EMCN: variants seen among roughly 807,000 people sequenced by gnomAD.
EMCN encodes endomucin, also known as MUC-14.
Under a neutral mutation model 38.4 loss-of-function variants are expected in EMCN, and 37 were observed. The ratio of observed to expected loss-of-function variants is 0.96; its 90% CI spans 0.74 to 1.27. The LOEUF (loss-of-function observed/expected upper bound fraction) is 1.27, where lower values mean the gene tolerates loss of function less well. EMCN is among the 50% of genes most tolerant of loss of function. The pLI, the probability that EMCN is intolerant of heterozygous loss-of-function variation, is 0.00. For synonymous variants in EMCN, 95 were observed against 100.8 expected (o/e 0.94, Z 0.35); for missense variants, 318 against 302.8 (o/e 1.05, Z -0.37).
intron 5 of EMCN, among the ~76,000 whole-genome samples, chr4:100,425,116 C>T (rs1215143675): frequency 6.8e-6 from 1 of 147,242 alleles, no homozygotes; most frequent in Non-Finnish European, 1.5e-5. Context: ...CTTTAAACTG[C>T]AACCTTCAGT....
intron 1 of EMCN, among the ~76,000 whole-genome samples, chr4:100,491,541 A>G (rs557747772): frequency 2.6e-4 from 40 of 152,288 alleles, no homozygotes; most frequent in African/African-American, 9.4e-4. Flanking sequence ...CAACCGTGCA[A>G]TTCTACAGAG....
intron 1 of EMCN, among the ~76,000 whole-genome samples, chr4:100,505,939 CCAT>C (rs1729469527): frequency 6.6e-6 from 1 of 152,022 alleles, no homozygotes; most frequent in Admixed American, 6.6e-5. Context: ...ACAAAACTGT[CCAT>C]TTCTTAAAGG....
chr4:100,515,990 A>T (rs1457423258), intron 1 of EMCN, among the ~76,000 whole-genome samples: 1 of 129,004 alleles, frequency 7.8e-6, no homozygotes, highest in Non-Finnish European at 1.7e-5. Flanking sequence ...AGACAAATGG[A>T]GTAGGTTTGG....
intron 1 of EMCN, among the ~76,000 whole-genome samples, chr4:100,482,148 A>G (rs1188149097): frequency 6.6e-6 from 1 of 152,152 alleles, no homozygotes; most frequent in East Asian, 1.9e-4. Flanking sequence ...TGTTTTTCAT[A>G]CTGCAGGTTG....
rs115684099 is a variant in EMCN, at chr4:100,429,573, G to T, written c.416-6169C>A. Among the ~76,000 whole-genome samples, 960 of 152,118 alleles carry T rather than the reference G, an allele frequency of 6.3e-3. 11 individuals carry two copies. Among genetic ancestry groups the T allele is most frequent in the African/African-American group, 0.021 (884 of 41,472 alleles). The stretch of plus-strand genomic sequence containing the variant: ...AAAAGCCTTACCTTAAATTTCCTTT[G>T]CTTTGCTTTGGGCCGTCAATGTTAG... On this transcript the variant is annotated intron_variant, in intron 5 of 11. Coordinates refer to ENST00000296420, the MANE Select transcript of EMCN (RefSeq NM_016242.4).
chr4:100,502,033 A>G (rs1030518018), intron 1 of EMCN, among the ~76,000 whole-genome samples: 2 of 152,152 alleles, frequency 1.3e-5, no homozygotes, highest in African/African-American at 4.8e-5. Context: ...AGAAGAGAAA[A>G]GCTCCCCCAC....
chr4:100,445,070 C>T (rs1361346228), intron 5 of EMCN, among the ~76,000 whole-genome samples: 1 of 152,106 alleles, frequency 6.6e-6, no homozygotes, highest in Non-Finnish European at 1.5e-5. Context: ...GGTGTTTCCT[C>T]CTGTTTCCTA....
chr4:100,462,320 C>G (rs1728201546), intron 4 of EMCN, among the ~76,000 whole-genome samples: 1 of 152,046 alleles, frequency 6.6e-6, no homozygotes, highest in South Asian at 2.1e-4. Context: ...AGTTTAGAAG[C>G]TAAATCAATA....
intron 1 of EMCN, among the ~76,000 whole-genome samples, chr4:100,487,300 A>G (rs959591143): frequency 6.6e-6 from 1 of 152,114 alleles, no homozygotes; most frequent in African/African-American, 2.4e-5. Flanking sequence ...AAGATGCTGG[A>G]GCTCAGCACA....
chr4:100,475,106 G>A lies in EMCN; in HGVS notation c.191C>T (p.Thr64Ile), dbSNP rs866956563. 12 of 1,473,388 alleles carry A rather than the reference G, an allele frequency of 8.1e-6. No homozygotes were observed. Among genetic ancestry groups the A allele is most frequent in the Middle Eastern group, 1.8e-4 (1 of 5,662 alleles). The allele number at this position is 1,473,388 out of a possible 1,614,324, so 91.3% of individuals were successfully genotyped here. ...TPTTGTTPKG[T>I]ITNELLKMSL... ...CATTTTAAGTAATTCATTGGTGATTGTTCCTAGTTTGATAAAATAGATTAA... is the reference window on the plus strand; with the variant it reads ...CATTTTAAGTAATTCATTGGTGATTATTCCTAGTTTGATAAAATAGATTAA... Residue 64 changes from threonine (T) to isoleucine (I), a missense_variant, in exon 3 of 12, where the codon ACA becomes ATA. Thr to Ile is a moderately conservative substitution (Grantham distance 89, BLOSUM62 -1). Transcript: ENST00000296420.
chr4:100,472,995 AG>A (rs1275476559), intron 3 of EMCN, among the ~76,000 whole-genome samples: 43 of 144,064 alleles, frequency 3.0e-4, no homozygotes, highest in African/African-American at 1.0e-3. Flanking sequence ...ATATTCTAGA[AG>A]TATATATATA....
intron 4 of EMCN, among the ~76,000 whole-genome samples, chr4:100,454,902 T>C (rs1727966457): frequency 6.6e-6 from 1 of 152,168 alleles, no homozygotes; most frequent in South Asian, 2.1e-4. Context: ...GTATACCTTT[T>C]CCTGTCTTTT....
In EMCN at chr4:100,397,695, G is replaced by C. The variant is rs1025508; in HGVS notation, c.*718C>G. Reference sequence around the variant, plus strand: ...CCCCTAACAGTCTGATATGTGAATCGTATGTCCCTTTCTGACTTATTACAA... The same window carrying C: ...CCCCTAACAGTCTGATATGTGAATCCTATGTCCCTTTCTGACTTATTACAA... On this transcript the variant is annotated 3_prime_UTR_variant, in exon 12 of 12. Coordinates refer to ENST00000296420, the MANE Select transcript of EMCN (RefSeq NM_016242.4). 0.91 allele frequency: 138,929 copies of C among 152,162 alleles called. 63,432 individuals are homozygous for C. Among genetic ancestry groups the C allele is most frequent in the South Asian group, 0.96 (4,624 of 4,822 alleles). 9.4% of individuals were successfully genotyped at this position (152,162 alleles called of 1,614,324 possible).
intron 11 of EMCN, among the ~76,000 whole-genome samples, chr4:100,402,088 T>C (rs1452557232): frequency 6.6e-6 from 1 of 152,188 alleles, no homozygotes; most frequent in Non-Finnish European, 1.5e-5. Flanking sequence ...ATAATTTCCA[T>C]ATCATTAAAC....
At chr4:100,407,479 G>A (rs1039583580) in intron 11 of EMCN, among the ~76,000 whole-genome samples, 7 of 151,968 alleles carry the variant, frequency 4.6e-5, no homozygotes, top group African/African-American at 1.7e-4. Flanking sequence ...TTGCTTATGA[G>A]GTCTAGTTTG....
intron 3 of EMCN, among the ~76,000 whole-genome samples, 188 bp from the exon 4 acceptor site, chr4:100,465,727 G>A (rs1728298037): frequency 1.3e-5 from 2 of 152,146 alleles, no homozygotes; most frequent in Non-Finnish European, 2.9e-5. Flanking sequence ...AATGTGGAGG[G>A]ACATTAACTT....
chr4:100,437,120 C>T (rs1468406251), intron 5 of EMCN, among the ~76,000 whole-genome samples: 2 of 152,174 alleles, frequency 1.3e-5, no homozygotes. Flanking sequence ...AATATACACC[C>T]TAATGGGTGT....
intron 1 of EMCN, among the ~76,000 whole-genome samples, chr4:100,512,460 G>A (rs1729650408): frequency 6.6e-6 from 1 of 152,124 alleles, no homozygotes; most frequent in Admixed American, 6.5e-5. Context: ...TAATGGATAG[G>A]AATTCAGTAG....
chr4:100,485,044 T>G (rs941920795), intron 1 of EMCN, among the ~76,000 whole-genome samples: 2 of 152,126 alleles, frequency 1.3e-5, no homozygotes, highest in African/African-American at 4.8e-5. Flanking sequence ...GTTTAAACTC[T>G]TAAAGAAAAT....
Sources: allele counts gnomAD v4.1 joint callset (sites outside exome capture counted in the v4.1 genomes callset), GRCh38; gene constraint gnomAD v4.1.1; transcripts MANE v1.5; gene names NCBI Gene and HGNC (gene_info 2026-07-23, HGNC 2026-07-21).